Variants in PDE11A observed in about 807,000 individuals in gnomAD.
PDE11A encodes the protein phosphodiesterase 11A.
PDE11A carries 100 observed loss-of-function variants against 100.5 expected under a neutral mutation model. The ratio of observed to expected loss-of-function variants is 1.00; its 90% CI spans 0.85 to 1.18. PDE11A has a LOEUF of 1.18. Ranked by LOEUF, PDE11A falls within the 50% of genes most tolerant of loss-of-function variation. PDE11A has a pLI of 0.00. For synonymous variants in PDE11A, 381 were observed against 420.8 expected (o/e 0.91, Z 1.16); for missense variants, 1,141 against 1,152.6 (o/e 0.99, Z 0.15).
At chr2:177,996,468 C>CATATAT (rs36051210) in intron 2 of PDE11A, among the ~76,000 whole-genome samples, 18 of 145,800 alleles carry the variant, frequency 1.2e-4, no homozygotes, top group African/African-American at 4.5e-4. Context: ...TACATATATA[C>CATATAT]ATATATATAT....
At chr2:177,845,924 G>A (rs1391052362) in intron 5 of PDE11A, among the ~76,000 whole-genome samples, 1 of 152,126 alleles carries the variant, frequency 6.6e-6, no homozygotes, top group Non-Finnish European at 1.5e-5. Context: ...GCAGGCTGAG[G>A]CAGGAGAATC....
At position 178,072,397 on chromosome 2, in the gene PDE11A, A is replaced by C; in HGVS notation, c.41T>G (p.Phe14Cys). Residue 14 changes from phenylalanine (F) to cysteine (C), a missense_variant, in exon 1 of 20, where the codon TTC becomes TGC. Physicochemically the swap from Phe to Cys is radical, Grantham distance 205. Transcript: ENST00000286063. Reference protein sequence around the residue: ...SRLDFGEVETFLDRHPELFED... With the variant: ...SRLDFGEVETCLDRHPELFED... ...AAACAACTCTGGGTGCCTGTCCAGG[A>C]AAGTTTCCACCTCCCCAAAGTCCAG... The C allele has an allele frequency of 6.2e-7, 1 of 1,613,724 alleles. No homozygotes were observed. The highest frequency in any genetic ancestry group is 1.3e-5 in the African/African-American group (1 of 75,062).
At chr2:177,688,740 T>C (rs2080995245) in intron 15 of PDE11A, among the ~76,000 whole-genome samples, 1 of 152,196 alleles carries the variant, frequency 6.6e-6, no homozygotes, top group Non-Finnish European at 1.5e-5. Context: ...CTCAGAAAAA[T>C]AGCAGTCTTT....
chr2:177,675,704 T>G, intron 16 of PDE11A, 186 bp from the exon 17 acceptor site: 2 of 698,636 alleles, frequency 2.9e-6, no homozygotes, highest in Non-Finnish European at 5.4e-6. Flanking sequence ...GTGGCCACGC[T>G]GCTTAGGAAG....
chr2:177,915,920 C>T (rs1409674482), intron 2 of PDE11A, among the ~76,000 whole-genome samples: 2 of 152,192 alleles, frequency 1.3e-5, no homozygotes, highest in African/African-American at 4.8e-5. Context: ...CGCTTCATGT[C>T]CTCACTCCCT....
rs182459433 is a variant in PDE11A at position 177,674,630 on chromosome 2, G to A, written c.2487+825C>T. On this transcript the variant is annotated intron_variant, in intron 17 of 19. Coordinates refer to ENST00000286063, the MANE Select transcript of PDE11A (RefSeq NM_016953.4). The stretch of plus-strand genomic sequence containing the variant: ...TTGCAAAGATACTCTTTCCTTTCAC[G>A]GTAATGTTTACAGGTTCCAGAGATT... Among the ~76,000 whole-genome samples the A allele has an allele frequency of 3.5e-3, 526 of 152,258 alleles. 3 individuals are homozygous for A. Among genetic ancestry groups the A allele is most frequent in the Non-Finnish European group, 6.2e-3 (425 of 68,030 alleles).
At chr2:177,944,140 C>A (rs13389574) in intron 2 of PDE11A, among the ~76,000 whole-genome samples, 9,548 of 152,122 alleles carry the variant, frequency 0.063, 311 homozygotes, top group South Asian at 0.094. Flanking sequence ...CTGGAATCTA[C>A]AGGAAAGAAG....
intron 2 of PDE11A, among the ~76,000 whole-genome samples, chr2:178,090,756 AACATCCTTAGGAC>A (rs2087412753): frequency 6.6e-6 from 1 of 152,214 alleles, no homozygotes; most frequent in Non-Finnish European, 1.5e-5. Context: ...TGAAACTGGC[AACATCCTTAGGAC>A]ACTCTTACAG....
chr2:177,868,004 A>G (rs1461192016), intron 5 of PDE11A, among the ~76,000 whole-genome samples: 1 of 152,230 alleles, frequency 6.6e-6, no homozygotes, highest in East Asian at 1.9e-4. Flanking sequence ...CCTTAAAAGA[A>G]TGATAGGATT....
At chr2:177,998,511 G>C in intron 2 of PDE11A, 1 of 1,386,950 alleles carries the variant, frequency 7.2e-7, no homozygotes, top group Non-Finnish European at 1.0e-6. Flanking sequence ...GGTAAATTGA[G>C]GCAGTTCTTT....
chr2:178,092,415 AC>A (rs1172339514), intron 2 of PDE11A: 2 of 152,210 alleles, frequency 1.3e-5, no homozygotes. Context: ...TAAACTTACT[AC>A]AGGCTGATCA....
intron 10 of PDE11A, among the ~76,000 whole-genome samples, chr2:177,750,757 T>A (rs2082014113): frequency 6.6e-6 from 1 of 152,254 alleles, no homozygotes; most frequent in Non-Finnish European, 1.5e-5. Flanking sequence ...TTTAACTTTA[T>A]TTAATATAGC....
intron 4 of PDE11A, among the ~76,000 whole-genome samples, chr2:177,893,748 A>G (rs1258577126): frequency 6.6e-6 from 1 of 152,228 alleles, no homozygotes; most frequent in African/African-American, 2.4e-5. Flanking sequence ...CTGTCTAAGA[A>G]GCATCCTGCT....
intron 2 of PDE11A, among the ~76,000 whole-genome samples, chr2:177,924,066 A>T (rs929985970): frequency 3.3e-5 from 5 of 152,252 alleles, no homozygotes; most frequent in African/African-American, 1.2e-4. Context: ...TTTATTATTT[A>T]ATGAGTAAGC....
intron 5 of PDE11A, among the ~76,000 whole-genome samples, chr2:177,875,628 G>C (rs949311942): frequency 6.6e-6 from 1 of 151,928 alleles, no homozygotes; most frequent in African/African-American, 2.4e-5. Context: ...TGATTCGCCC[G>C]CCTCAGCCTC....
chr2:177,964,076 T>C (rs1156278296), intron 2 of PDE11A, among the ~76,000 whole-genome samples: 3 of 152,202 alleles, frequency 2.0e-5, no homozygotes, highest in Admixed American at 1.3e-4. Flanking sequence ...TCTATTATTT[T>C]CCAGGTGATA....
chr2:177,647,677 C>T (rs2080244737), intron 19 of PDE11A, among the ~76,000 whole-genome samples: 1 of 152,144 alleles, frequency 6.6e-6, no homozygotes, highest in African/African-American at 2.4e-5. Context: ...ATCCCAATGT[C>T]CCGGATCTAC....
At chr2:177,768,321 A>T (rs1291478171) in intron 10 of PDE11A, among the ~76,000 whole-genome samples, 1 of 151,940 alleles carries the variant, frequency 6.6e-6, no homozygotes, top group Non-Finnish European at 1.5e-5. Flanking sequence ...TCAAGTGCTC[A>T]GTTCTAATGA....
At chr2:177,914,192 T>A (rs1419118912) in intron 2 of PDE11A, among the ~76,000 whole-genome samples, 4 of 152,050 alleles carry the variant, frequency 2.6e-5, no homozygotes, top group African/African-American at 7.3e-5. Context: ...ATTTTGTTTA[T>A]TTTTTAGTGG....
Sources: gnomAD v4.1 joint callset for allele counts (sites outside exome capture counted in the v4.1 genomes callset) on GRCh38, gnomAD v4.1.1 for gene constraint, MANE v1.5 for transcripts, NCBI Gene and HGNC (gene_info 2026-07-23, HGNC 2026-07-21) for gene names.